The following NCAM2 variants were observed in gnomAD, a reference collection of about 807,000 sequenced individuals.
NCAM2 encodes the protein N-CAM-2.
A neutral mutation model predicts 98.1 loss-of-function variants in NCAM2; 30 were observed. That is an observed-to-expected ratio of 0.31 (90% CI 0.23 to 0.41). The LOEUF (loss-of-function observed/expected upper bound fraction) is 0.41. NCAM2 is among the 10% of genes least tolerant of loss of function. NCAM2 has a pLI of 1.00. For synonymous variants in NCAM2, 368 were observed against 342.4 expected, an observed-to-expected ratio of 1.07 and a Z score of -0.83; for missense variants, 867 against 1,005.8, an observed-to-expected ratio of 0.86 and a Z score of 1.87.
At chr21:21,206,235 T>C (rs1355137660) in intron 1 of NCAM2, among the ~76,000 whole-genome samples, 4 of 152,176 alleles carry the variant, frequency 2.6e-5, no homozygotes, top group Non-Finnish European at 5.9e-5. Flanking sequence ...ATCACAGTTA[T>C]AAATTCTTAT....
At chr21:21,511,633 G>A (rs1325727670) in intron 16 of NCAM2, among the ~76,000 whole-genome samples, 2 of 151,778 alleles carry the variant, frequency 1.3e-5, no homozygotes, top group African/African-American at 4.8e-5. Flanking sequence ...GGATCACATG[G>A]TAGTTTCTAT....
chr21:21,082,281 C>CAAAAAAAAAAAA (rs11384165), intron 1 of NCAM2, among the ~76,000 whole-genome samples: 6 of 127,838 alleles, frequency 4.7e-5, no homozygotes, highest in Non-Finnish European at 7.9e-5. Context: ...GAGCTCAAAA[C>CAAAAAAAAAAAA]AAAAAAAAAA....
intron 1 of NCAM2, among the ~76,000 whole-genome samples, chr21:21,135,620 C>G (rs933731541): frequency 1.3e-5 from 2 of 152,156 alleles, no homozygotes; most frequent in African/African-American, 4.8e-5. Context: ...GTTGCATCTT[C>G]TAACCATGAC....
intron 15 of NCAM2, among the ~76,000 whole-genome samples, chr21:21,482,931 C>T (rs1416519176): frequency 6.6e-6 from 1 of 151,898 alleles, no homozygotes; most frequent in Non-Finnish European, 1.5e-5. Context: ...TATTGGGAAA[C>T]TATAGCAGAT....
intron 1 of NCAM2, among the ~76,000 whole-genome samples, chr21:21,208,636 A>T (rs1354903572): frequency 6.6e-6 from 1 of 152,144 alleles, no homozygotes; most frequent in Non-Finnish European, 1.5e-5. Context: ...AAACCGTGAA[A>T]ACTTGAAATG....
Position 21,222,672 on chromosome 21 carries a change from G to A in NCAM2, c.56-57906G>A, listed in dbSNP as rs150917187. Among the ~76,000 whole-genome samples the A allele has an allele frequency of 3.8e-4, 58 of 152,258 alleles. No homozygotes were observed. In the East Asian group the frequency reaches 0.011, roughly 29 times the overall value. On this transcript the variant is annotated intron_variant, in intron 1 of 17. Transcript: ENST00000400546. ...TAACAAACAAGGATTTCCTTCCTAT[G>A]GATGAGCAAAGGAAGTGGTTTCTAG...
At chr21:21,260,437 C>T (rs1053900897) in intron 1 of NCAM2, among the ~76,000 whole-genome samples, 2 of 151,714 alleles carry the variant, frequency 1.3e-5, no homozygotes, top group Non-Finnish European at 2.9e-5. Flanking sequence ...AAAAAAAAAT[C>T]TTAAGGCAGC....
chr21:21,474,614 A>G (rs975453656), intron 14 of NCAM2, among the ~76,000 whole-genome samples: 1 of 152,060 alleles, frequency 6.6e-6, no homozygotes, highest in African/African-American at 2.4e-5. Context: ...TATTTCCACA[A>G]AAATATTTAC....
chr21:21,044,940 A>G lies in NCAM2; in HGVS notation c.55+46322A>G, dbSNP rs185618424. Among the ~76,000 whole-genome samples the G allele has an allele frequency of 4.8e-3, 730 of 152,300 alleles. 5 individuals are homozygous for G. Among genetic ancestry groups the G allele is most frequent in the Non-Finnish European group, 7.4e-3 (504 of 68,024 alleles). On this transcript the variant is annotated intron_variant, in intron 1 of 17. Transcript: ENST00000400546. The stretch of plus-strand genomic sequence containing the variant: ...TGCATGTTTGTATGTATGTGTATGT[A>G]TATATGTATACACACACAGATACAA...
chr21:21,304,430 A>T (rs940793932), intron 5 of NCAM2, among the ~76,000 whole-genome samples: 1 of 151,984 alleles, frequency 6.6e-6, no homozygotes, highest in Non-Finnish European at 1.5e-5. Flanking sequence ...ATATTTTAAT[A>T]TATGTGTTTT....
intron 1 of NCAM2, among the ~76,000 whole-genome samples, chr21:21,169,726 A>T (rs941145901): frequency 6.6e-6 from 1 of 152,178 alleles, no homozygotes; most frequent in Non-Finnish European, 1.5e-5. Context: ...AGACTGGAGG[A>T]TAACTGGAGC....
rs1030627664 is a variant in NCAM2, at chr21:21,313,033, T to A, written c.620-11350T>A. On this transcript the variant is annotated intron_variant, in intron 5 of 17. Transcript: ENST00000400546. ...TGTGCATAATGTTATCTGGATTTTT[T>A]TAAATATTTTTATTAGCTGTACAAT... Among the ~76,000 whole-genome samples, 11 of 151,870 alleles carry A rather than the reference T, an allele frequency of 7.2e-5. 1 individual carries two copies. The South Asian group carries it at 1.2e-3, about 17-fold the overall frequency.
chr21:21,428,696 T>A (rs991139698), intron 11 of NCAM2, among the ~76,000 whole-genome samples: 3 of 152,170 alleles, frequency 2.0e-5, no homozygotes, highest in Non-Finnish European at 4.4e-5. Context: ...TTTGACTGAT[T>A]GTGATGTATA....
chr21:21,359,240 G>T lies in NCAM2; in HGVS notation c.1045-14623G>T, dbSNP rs1386098558. On this transcript the variant is annotated intron_variant, in intron 8 of 17. Coordinates refer to ENST00000400546, the MANE Select transcript of NCAM2 (RefSeq NM_004540.5). ...AAGAGCAATAATATAAGTCCCTGCT[G>T]GGCAGTAGGCAAAATGGATACTTCT... Among the ~76,000 whole-genome samples the T allele has an allele frequency of 2.6e-5, 4 of 151,914 alleles. No homozygotes were observed. In the East Asian group the frequency reaches 7.7e-4, roughly 29 times the overall value.
intron 5 of NCAM2, among the ~76,000 whole-genome samples, chr21:21,302,485 A>G (rs2147654259): frequency 6.6e-6 from 1 of 152,194 alleles, no homozygotes; most frequent in East Asian, 1.9e-4. Context: ...CTGTACCAGT[A>G]CCACATTGTT....
chr21:21,107,025 C>T (rs1256842843), intron 1 of NCAM2, among the ~76,000 whole-genome samples: 1 of 151,976 alleles, frequency 6.6e-6, no homozygotes, highest in Non-Finnish European at 1.5e-5. Context: ...TAGAGAGAGA[C>T]CAAAGATCAA....
intron 1 of NCAM2, among the ~76,000 whole-genome samples, chr21:21,237,247 G>A (rs1182477765): frequency 6.6e-6 from 1 of 152,104 alleles, no homozygotes; most frequent in Non-Finnish European, 1.5e-5. Flanking sequence ...AGAGCCCTGA[G>A]AAATCAGCTC....
intron 1 of NCAM2, among the ~76,000 whole-genome samples, chr21:21,157,315 C>T (rs1400835302): frequency 6.6e-6 from 1 of 152,122 alleles, no homozygotes; most frequent in Non-Finnish European, 1.5e-5. Context: ...CTAGGCAATA[C>T]CTTTGAACAT....
chr21:21,157,454 G>A (rs764351290), intron 1 of NCAM2, among the ~76,000 whole-genome samples: 5 of 152,100 alleles, frequency 3.3e-5, no homozygotes, highest in South Asian at 2.1e-4. Flanking sequence ...TTTGGAAGCC[G>A]ATTAGTTGGT....
Sources: allele counts gnomAD v4.1 joint callset (sites outside exome capture counted in the v4.1 genomes callset), GRCh38; gene constraint gnomAD v4.1.1; transcripts MANE v1.5; gene names NCBI Gene and HGNC (gene_info 2026-07-23, HGNC 2026-07-21).